ZNF148: variants seen among roughly 807,000 people sequenced by gnomAD.
ZNF148 encodes Beta-Enolase Repressor Factor-1.
In ZNF148, 7 loss-of-function variants were observed where a neutral mutation model predicts 67.7. The observed-to-expected ratio is 0.10, with a 90% CI of 0.06 to 0.19. The LOEUF (loss-of-function observed/expected upper bound fraction) is 0.19, where lower values mean the gene tolerates loss of function less well. Ranked by LOEUF, ZNF148 falls within the 10% of genes least tolerant of loss-of-function variation. The pLI is 1.00. For synonymous variants in ZNF148, 333 were observed against 330.7 expected (o/e 1.01, Z -0.08); for missense variants, 583 against 947.1 (o/e 0.62, Z 5.05).
chr3:125,354,466 C>T (rs901387439), intron 1 of ZNF148, among the ~76,000 whole-genome samples: 42 of 152,182 alleles, frequency 2.8e-4, no homozygotes, highest in African/African-American at 9.9e-4. Context: ...TGACAATACA[C>T]TGCTTAAGCA....
chr3:125,365,822 C>T (rs1942685075), intron 1 of ZNF148, among the ~76,000 whole-genome samples: 1 of 152,244 alleles, frequency 6.6e-6, no homozygotes, highest in South Asian at 2.1e-4. Flanking sequence ...GCCTCACGTT[C>T]GTTCATTCAA....
intron 4 of ZNF148, among the ~76,000 whole-genome samples, chr3:125,290,616 C>T (rs1488453008): frequency 6.6e-6 from 1 of 152,018 alleles, no homozygotes; most frequent in Admixed American, 6.6e-5. Context: ...CTATTAAGTG[C>T]CTGCTCTGTC....
intron 7 of ZNF148, among the ~76,000 whole-genome samples, chr3:125,246,959 C>T (rs1205227509): frequency 6.6e-6 from 1 of 152,092 alleles, no homozygotes; most frequent in Non-Finnish European, 1.5e-5. Flanking sequence ...AACCCATATA[C>T]TATGCAGGAA....
intron 7 of ZNF148, among the ~76,000 whole-genome samples, chr3:125,235,492 G>A (rs1936043131): frequency 6.6e-6 from 1 of 152,072 alleles, no homozygotes; most frequent in Admixed American, 6.6e-5. Context: ...TATTCCCTTT[G>A]AGACCCAACC....
At chr3:125,243,543 C>T (rs1481710814) in intron 7 of ZNF148, among the ~76,000 whole-genome samples, 1 of 152,036 alleles carries the variant, frequency 6.6e-6, no homozygotes, top group South Asian at 2.1e-4. Flanking sequence ...TTTTGAAGAG[C>T]AGGGTCTCAC....
At chr3:125,276,676 C>T (rs891711123) in intron 7 of ZNF148, among the ~76,000 whole-genome samples, 8 of 152,034 alleles carry the variant, frequency 5.3e-5, no homozygotes, top group Non-Finnish European at 7.4e-5. Flanking sequence ...TCAAGTGATC[C>T]GCCCACCTCA....
chr3:125,229,399 C>G lies in ZNF148; in HGVS notation c.*2942G>C, dbSNP rs1442225388. ...AATGACCTGACCGATGGCTGGCACC[C>G]TCAGCCAGAGCTAAGAAGATGGATT... On this transcript the variant is annotated 3_prime_UTR_variant, in exon 9 of 9. Coordinates refer to ENST00000360647, the MANE Select transcript of ZNF148 (RefSeq NM_021964.3). 1 of 152,122 alleles carries G rather than the reference C, an allele frequency of 6.6e-6. No individual in the cohort carries two copies. Among genetic ancestry groups the G allele is most frequent in the Admixed American group, 6.5e-5 (1 of 15,268 alleles). 9.4% of individuals were successfully genotyped at this position (152,122 alleles called of 1,614,324 possible).
chr3:125,353,781 T>A (rs980498276), intron 1 of ZNF148, among the ~76,000 whole-genome samples: 5 of 150,910 alleles, frequency 3.3e-5, no homozygotes, highest in African/African-American at 4.9e-5. Flanking sequence ...AAAAAAAAAA[T>A]TAACATGTGA....
Position 125,313,444 on chromosome 3 carries a change from T to G in ZNF148, c.197A>C (p.Glu66Ala), listed in dbSNP as rs1340414106. The stretch of plus-strand genomic sequence containing the variant: ...CATATCCTGTTGTCTCATTTCACTT[T>G]CTTGTAACACTTCATCTGCAGCAAG... ...EILAADEVLQ[E>A]SEMRQQDMIS... is the part of the protein sequence containing the mutation. The change falls in exon 4 of 9, where the codon GAA becomes GCA. Residue 66 changes from glutamate to alanine, a missense_variant. By Grantham distance (107) the Glu-to-Ala change is moderately radical (BLOSUM62 -1). Coordinates refer to ENST00000360647, the MANE Select transcript of ZNF148 (RefSeq NM_021964.3). 1 of 1,614,034 alleles carries G rather than the reference T, an allele frequency of 6.2e-7. No homozygotes were observed. Among genetic ancestry groups the G allele is most frequent in the Non-Finnish European group, 8.5e-7 (1 of 1,180,040 alleles).
intron 1 of ZNF148, among the ~76,000 whole-genome samples, chr3:125,355,674 G>A (rs1942315284): frequency 6.6e-6 from 1 of 151,894 alleles, no homozygotes; most frequent in African/African-American, 2.4e-5. Flanking sequence ...ATAGCTTGAG[G>A]CCAGGTGTTT....
intron 1 of ZNF148, among the ~76,000 whole-genome samples, chr3:125,360,451 A>T (rs1302933544): frequency 6.6e-6 from 1 of 151,872 alleles, no homozygotes; most frequent in South Asian, 2.1e-4. Flanking sequence ...ATGCCCAGCT[A>T]ATTTTTTATT....
chr3:125,251,790 T>C (rs1012055659), intron 7 of ZNF148, among the ~76,000 whole-genome samples: 2 of 152,188 alleles, frequency 1.3e-5, no homozygotes, highest in Non-Finnish European at 2.9e-5. Flanking sequence ...GGTGAAAATA[T>C]GTATGCAATT....
intron 4 of ZNF148, among the ~76,000 whole-genome samples, chr3:125,289,526 C>T (rs920947482): frequency 2.0e-5 from 3 of 152,124 alleles, no homozygotes; most frequent in East Asian, 3.8e-4. Flanking sequence ...CTACAAAATA[C>T]GATGGTAAAA....
chr3:125,266,700 G>A (rs879473478), intron 7 of ZNF148, among the ~76,000 whole-genome samples: 15 of 151,792 alleles, frequency 9.9e-5, no homozygotes, highest in African/African-American at 2.9e-4. Flanking sequence ...CAAGGCTAAC[G>A]GAATAAAAGA....
chr3:125,311,497 A>G (rs1000350127), intron 4 of ZNF148: 3 of 152,240 alleles, frequency 2.0e-5, no homozygotes, highest in East Asian at 1.9e-4. Flanking sequence ...CAAAGAAAAG[A>G]GTACCTCTGT....
intron 7 of ZNF148, among the ~76,000 whole-genome samples, chr3:125,239,237 C>T (rs1348062138): frequency 6.6e-6 from 1 of 152,104 alleles, no homozygotes; most frequent in Non-Finnish European, 1.5e-5. Flanking sequence ...AAAGTGAAGA[C>T]ATAACTCCAG....
chr3:125,238,573 A>G (rs1276169267), intron 7 of ZNF148, among the ~76,000 whole-genome samples: 1 of 151,830 alleles, frequency 6.6e-6, no homozygotes, highest in Non-Finnish European at 1.5e-5. Flanking sequence ...GGTTGCAGTG[A>G]GCCGAGATCA....
intron 1 of ZNF148, among the ~76,000 whole-genome samples, chr3:125,338,617 G>A (rs1431619806): frequency 8.6e-6 from 1 of 116,344 alleles, no homozygotes; most frequent in Non-Finnish European, 1.6e-5. Context: ...CCGACATTGT[G>A]CCACTGCACT....
At chr3:125,280,550 A>G (rs917708982) in intron 5 of ZNF148, among the ~76,000 whole-genome samples, 4 of 151,630 alleles carry the variant, frequency 2.6e-5, no homozygotes, top group Non-Finnish European at 2.9e-5. Context: ...GTGTGGTGGC[A>G]CACACCTGTA....
Sources: gnomAD v4.1 joint callset for allele counts (sites outside exome capture counted in the v4.1 genomes callset) on GRCh38, gnomAD v4.1.1 for gene constraint, MANE v1.5 for transcripts, NCBI Gene and HGNC (gene_info 2026-07-23, HGNC 2026-07-21) for gene names.